PDE11A: variants seen among roughly 807,000 people sequenced by gnomAD.
The protein encoded by PDE11A is phosphodiesterase 11A.
PDE11A carries 100 observed loss-of-function variants against 100.5 expected under a neutral mutation model. The ratio of observed to expected loss-of-function variants is 1.00; its 90% CI spans 0.85 to 1.18. The LOEUF (loss-of-function observed/expected upper bound fraction) is 1.18. Among genes scored for constraint, PDE11A ranks in the 50% most tolerant of loss-of-function variants. The pLI, the probability that PDE11A is intolerant of heterozygous loss-of-function variation, is 0.00. For synonymous variants in PDE11A, 381 were observed against 420.8 expected (o/e 0.91, Z 1.16); for missense variants, 1,141 against 1,152.6 (o/e 0.99, Z 0.15).
At chr2:177,837,111 A>C (rs1285024707) in intron 6 of PDE11A, among the ~76,000 whole-genome samples, 1 of 152,058 alleles carries the variant, frequency 6.6e-6, no homozygotes, top group East Asian at 1.9e-4. Flanking sequence ...TCCGTGTGCA[A>C]ACCGGTAAAA....
intron 2 of PDE11A, among the ~76,000 whole-genome samples, chr2:177,923,975 T>C (rs77551568): frequency 0.011 from 1,691 of 152,242 alleles, 31 homozygotes; most frequent in African/African-American, 0.038. Flanking sequence ...AGGTCTAAGA[T>C]AATGTATAAA....
At chr2:177,839,201 G>T (rs1286440630) in intron 6 of PDE11A, among the ~76,000 whole-genome samples, 2 of 152,202 alleles carry the variant, frequency 1.3e-5, no homozygotes, top group Non-Finnish European at 2.9e-5. Context: ...AGACAATGGA[G>T]ACAGCACAGG....
intron 2 of PDE11A, among the ~76,000 whole-genome samples, chr2:177,942,801 T>C (rs1270492923): frequency 6.6e-6 from 1 of 152,232 alleles, no homozygotes; most frequent in African/African-American, 2.4e-5. Flanking sequence ...ATTCACATTG[T>C]TGTACAACAG....
intron 1 of PDE11A, among the ~76,000 whole-genome samples, chr2:178,054,861 A>T (rs2086878649): frequency 6.6e-6 from 1 of 152,206 alleles, no homozygotes; most frequent in South Asian, 2.1e-4. Flanking sequence ...GGTGCTGGAG[A>T]GGATGTGGAG....
intron 10 of PDE11A, among the ~76,000 whole-genome samples, chr2:177,731,042 CT>C (rs1430530626): frequency 6.6e-6 from 1 of 152,120 alleles, no homozygotes; most frequent in African/African-American, 2.4e-5. Context: ...CAATATTCGT[CT>C]TTTTTGTCAT....
chr2:178,038,649 C>T (rs1226749724), intron 1 of PDE11A, among the ~76,000 whole-genome samples: 1 of 152,110 alleles, frequency 6.6e-6, no homozygotes, highest in Non-Finnish European at 1.5e-5. Context: ...GAGTCATTCA[C>T]TGAGCTCACC....
At chr2:177,776,704 T>A (rs1173383249) in intron 9 of PDE11A, among the ~76,000 whole-genome samples, 2 of 151,932 alleles carry the variant, frequency 1.3e-5, no homozygotes, top group Admixed American at 1.3e-4. Context: ...GAAGAGGAGT[T>A]CGGAATATGA....
At chr2:177,741,874 G>A (rs888278335) in intron 10 of PDE11A, among the ~76,000 whole-genome samples, 4 of 151,822 alleles carry the variant, frequency 2.6e-5, no homozygotes, top group African/African-American at 9.7e-5. Flanking sequence ...TATCTGTACA[G>A]AAAAAAAATT....
intron 10 of PDE11A, among the ~76,000 whole-genome samples, chr2:177,728,493 T>C (rs948345506): frequency 6.6e-6 from 1 of 152,180 alleles, no homozygotes; most frequent in African/African-American, 2.4e-5. Flanking sequence ...CAATATATTC[T>C]GATGCATATT....
At chr2:177,696,310 C>G (rs1267753730) in intron 15 of PDE11A, among the ~76,000 whole-genome samples, 2 of 151,854 alleles carry the variant, frequency 1.3e-5, no homozygotes, top group East Asian at 1.9e-4. Flanking sequence ...GGGGAGTGGT[C>G]TGAGTAGAGA....
chr2:177,805,623 G>A (rs542529680), intron 9 of PDE11A, among the ~76,000 whole-genome samples: 1 of 152,196 alleles, frequency 6.6e-6, no homozygotes, highest in African/African-American at 2.4e-5. Context: ...GAATAAAAAT[G>A]TATAAAACAA....
chr2:177,730,358 ATT>A (rs1431850854), intron 10 of PDE11A, among the ~76,000 whole-genome samples: 1 of 152,180 alleles, frequency 6.6e-6, no homozygotes, highest in African/African-American at 2.4e-5. Flanking sequence ...TAATTGGAAA[ATT>A]ATGTCTTTTA....
At chr2:177,704,354 A>T (rs2081247328) in intron 13 of PDE11A, among the ~76,000 whole-genome samples, 1 of 152,130 alleles carries the variant, frequency 6.6e-6, no homozygotes, top group African/African-American at 2.4e-5. Flanking sequence ...GGGTTTTTTT[A>T]AAGTAAAACC....
At chr2:177,981,180 T>G (rs2085876963) in intron 2 of PDE11A, among the ~76,000 whole-genome samples, 1 of 150,676 alleles carries the variant, frequency 6.6e-6, no homozygotes, top group Admixed American at 6.6e-5. Context: ...TGGTCCTAGA[T>G]GTAAATAAGA....
chr2:177,765,185 C>T (rs571345038), intron 10 of PDE11A, among the ~76,000 whole-genome samples: 2 of 152,260 alleles, frequency 1.3e-5, no homozygotes, highest in African/African-American at 4.8e-5. Flanking sequence ...ACAACACTCT[C>T]CCTAACAAGG....
chr2:177,877,925 C>A (rs1050906938), intron 4 of PDE11A, among the ~76,000 whole-genome samples: 25 of 152,080 alleles, frequency 1.6e-4, no homozygotes, highest in African/African-American at 5.8e-4. Context: ...GCTTCAAAGG[C>A]CTTTTAAATT....
chr2:178,104,616 A>C, intron 1 of PDE11A: 1 of 681,204 alleles, frequency 1.5e-6, no homozygotes, highest in Non-Finnish European at 2.5e-6. Context: ...TAAAGCATGC[A>C]AGCTTTAATG....
rs537487976 is a variant in PDE11A, at chr2:177,687,700, A to C, written c.2346-6797T>G. Reference sequence around the variant, plus strand: ...TCTCTCTCTGTGTATATGAATATGTACATGTATATGTAAAATTGCTGGGTC... The same window carrying C: ...TCTCTCTCTGTGTATATGAATATGTCCATGTATATGTAAAATTGCTGGGTC... On this transcript the variant is annotated intron_variant, in intron 15 of 19. Coordinates refer to ENST00000286063, the MANE Select transcript of PDE11A (RefSeq NM_016953.4). 6.6e-5 allele frequency: 10 copies of C among 152,336 alleles called. No homozygotes were observed. In the South Asian group the frequency reaches 1.9e-3, roughly 28 times the overall value. The allele number at this position is 152,336 out of a possible 1,614,324, so 9.4% of individuals were successfully genotyped here.
At chr2:177,684,534 T>A (rs1456547259) in intron 15 of PDE11A, among the ~76,000 whole-genome samples, 3 of 152,176 alleles carry the variant, frequency 2.0e-5, no homozygotes, top group Non-Finnish European at 4.4e-5. Flanking sequence ...CTGATGAGGA[T>A]GATATTCACT....
Sources: gnomAD v4.1 joint callset for allele counts (sites outside exome capture counted in the v4.1 genomes callset) on GRCh38, gnomAD v4.1.1 for gene constraint, MANE v1.5 for transcripts, NCBI Gene and HGNC (gene_info 2026-07-23, HGNC 2026-07-21) for gene names.